The following TTC28 variants were observed in gnomAD, a reference collection of about 807,000 sequenced individuals.
The protein encoded by TTC28 is tetratricopeptide repeat domain 28.
TTC28 carries 61 observed loss-of-function variants against 198.0 expected under a neutral mutation model. The observed-to-expected ratio is 0.31, with a 90% CI of 0.25 to 0.38. The LOEUF is 0.38. Ranked by LOEUF, TTC28 falls within the 10% of genes least tolerant of loss-of-function variation. TTC28 has a pLI of 1.00. For synonymous variants in TTC28, 1,171 were observed against 1,297.8 expected, an observed-to-expected ratio of 0.90 and a Z score of 2.10; for missense variants, 2,678 against 3,164.0, an observed-to-expected ratio of 0.85 and a Z score of 3.69.
chr22:28,417,301 A>T (rs1016616725), intron 2 of TTC28, among the ~76,000 whole-genome samples: 7 of 76,934 alleles, frequency 9.1e-5, no homozygotes, highest in Admixed American at 5.8e-4. Context: ...TGTCTCTACT[A>T]AAAAAAAAAA....
At chr22:28,013,229 G>A (rs1214534205) in intron 14 of TTC28, among the ~76,000 whole-genome samples, 1 of 152,228 alleles carries the variant, frequency 6.6e-6, no homozygotes, top group Non-Finnish European at 1.5e-5. Flanking sequence ...ACAGCTGTGA[G>A]ACAAATCTCC....
In TTC28 at chr22:28,255,696, A is replaced by G. The variant is rs1259240486; in HGVS notation, c.933+40502T>C. ...AACTCCGTCTCAAAAAAAAAAAAAAAGGTTCTAGTATGAGATGCTCTTTTC... is the reference window on the plus strand; with the variant it reads ...AACTCCGTCTCAAAAAAAAAAAAAAGGGTTCTAGTATGAGATGCTCTTTTC... On this transcript the variant is annotated intron_variant, in intron 5 of 22. Coordinates refer to ENST00000397906, the MANE Select transcript of TTC28 (RefSeq NM_001145418.2). Among the ~76,000 whole-genome samples the G allele has an allele frequency of 1.6e-4, 24 of 150,738 alleles. No individual in the cohort carries two copies. In the Admixed American group the frequency reaches 1.6e-3, roughly 10 times the overall value.
intron 5 of TTC28, among the ~76,000 whole-genome samples, chr22:28,222,376 C>T (rs779956816): frequency 5.9e-5 from 9 of 152,218 alleles, no homozygotes; most frequent in Admixed American, 3.3e-4. Flanking sequence ...AAAACCTACA[C>T]GACCCGAAGG....
At chr22:28,160,080 A>G (rs1384793685) in intron 6 of TTC28, among the ~76,000 whole-genome samples, 1 of 152,210 alleles carries the variant, frequency 6.6e-6, no homozygotes, top group Non-Finnish European at 1.5e-5. Context: ...GGGGCACTGC[A>G]GGGAGAGGTG....
Position 28,016,363 on chromosome 22 carries a change from G to A in TTC28, c.4074-1971C>T, listed in dbSNP as rs1054452041. Among the ~76,000 whole-genome samples, 3 of 152,206 alleles carry A rather than the reference G, an allele frequency of 2.0e-5. No homozygotes were observed. In the East Asian group the frequency reaches 5.8e-4, roughly 29 times the overall value. Reference sequence around the variant, plus strand: ...TACCAAATTGCTCTCCCGAGGAGACGCTTTGGCATGACGCGCGGTGTCTGT... The same window carrying A: ...TACCAAATTGCTCTCCCGAGGAGACACTTTGGCATGACGCGCGGTGTCTGT... On this transcript the variant is annotated intron_variant, in intron 13 of 22. Coordinates refer to ENST00000397906, the MANE Select transcript of TTC28 (RefSeq NM_001145418.2).
At chr22:28,236,637 A>G (rs1929267152) in intron 5 of TTC28, among the ~76,000 whole-genome samples, 1 of 152,224 alleles carries the variant, frequency 6.6e-6, no homozygotes, top group African/African-American at 2.4e-5. Context: ...ACAACAGTAC[A>G]TGTTAGTGGA....
intron 6 of TTC28, among the ~76,000 whole-genome samples, chr22:28,159,921 G>A (rs1920991465): frequency 6.6e-6 from 1 of 152,158 alleles, no homozygotes; most frequent in Non-Finnish European, 1.5e-5. Flanking sequence ...CAACAATATT[G>A]ATGGTCATTA....
chr22:28,659,725 G>T (rs2051712326), intron 1 of TTC28, among the ~76,000 whole-genome samples: 1 of 151,988 alleles, frequency 6.6e-6, no homozygotes, highest in Non-Finnish European at 1.5e-5. Context: ...GAGCACCAAT[G>T]AACTCCAGCC....
intron 1 of TTC28, among the ~76,000 whole-genome samples, chr22:28,640,591 T>TAATAATAAA (rs1347968824): frequency 1.3e-5 from 2 of 150,698 alleles, no homozygotes; most frequent in African/African-American, 4.9e-5. Flanking sequence ...ATAATAATAA[T>TAATAATAAA]AAACAGAGAA....
intron 12 of TTC28, among the ~76,000 whole-genome samples, chr22:28,067,279 C>T (rs1940791906): frequency 6.6e-6 from 1 of 152,138 alleles, no homozygotes. Flanking sequence ...GTGAGAACTT[C>T]TTATAGCAGG....
intron 5 of TTC28, among the ~76,000 whole-genome samples, chr22:28,204,096 A>G (rs117273794): frequency 0.014 from 2,144 of 152,196 alleles, 30 homozygotes; most frequent in Non-Finnish European, 0.019. Flanking sequence ...CCCTTCCCAT[A>G]GGGGCACTCT....
At chr22:28,371,166 A>G (rs2046325192) in intron 2 of TTC28, among the ~76,000 whole-genome samples, 1 of 152,000 alleles carries the variant, frequency 6.6e-6, no homozygotes, top group Non-Finnish European at 1.5e-5. Flanking sequence ...GTGGGGTCAC[A>G]TGTAAGGAGT....
chr22:28,163,652 G>C (rs1601409994), intron 5 of TTC28, 53 bp from the exon 6 acceptor site: 2 of 1,462,476 alleles, frequency 1.4e-6, no homozygotes, highest in Non-Finnish European at 9.0e-7. Flanking sequence ...AATGGTTTTG[G>C]TATATTTTGG....
chr22:28,385,056 G>C (rs2046555872), intron 2 of TTC28, among the ~76,000 whole-genome samples: 2 of 149,836 alleles, frequency 1.3e-5, no homozygotes. Context: ...CAGAAGAATT[G>C]CCTGAACCCA....
intron 5 of TTC28, among the ~76,000 whole-genome samples, chr22:28,294,169 G>A (rs182862684): frequency 1.6e-3 from 239 of 152,298 alleles, no homozygotes; most frequent in Non-Finnish European, 2.8e-3. Context: ...TGCAGTAGCA[G>A]CTATGCAAAG....
chr22:28,221,931 C>T (rs1927903977), intron 5 of TTC28, among the ~76,000 whole-genome samples: 1 of 152,148 alleles, frequency 6.6e-6, no homozygotes, highest in Admixed American at 6.5e-5. Context: ...TCCTTTGAAC[C>T]TGGAATAGTG....
At chr22:28,004,122 G>A (rs976475846) in intron 14 of TTC28, among the ~76,000 whole-genome samples, 3 of 152,280 alleles carry the variant, frequency 2.0e-5, no homozygotes, top group Non-Finnish European at 4.4e-5. Context: ...TACCCAGGCT[G>A]ACGCTGGGCC....
chr22:28,170,489 CAAA>C (rs71791002), intron 5 of TTC28, among the ~76,000 whole-genome samples: 7 of 100,092 alleles, frequency 7.0e-5, no homozygotes, highest in Admixed American at 2.3e-4. Context: ...ACTCCGTCTC[CAAA>C]AAAAAAAAAA....
At chr22:28,228,812 T>G (rs1928572976) in intron 5 of TTC28, among the ~76,000 whole-genome samples, 1 of 152,196 alleles carries the variant, frequency 6.6e-6, no homozygotes, top group Non-Finnish European at 1.5e-5. Flanking sequence ...CTTTAAAAAT[T>G]TTTTCTTTAA....
Sources: allele counts gnomAD v4.1 joint callset (sites outside exome capture counted in the v4.1 genomes callset), GRCh38; gene constraint gnomAD v4.1.1; transcripts MANE v1.5; gene names NCBI Gene and HGNC (gene_info 2026-07-23, HGNC 2026-07-21).